CAMTA1: variants seen among roughly 807,000 people sequenced by gnomAD.
The protein encoded by CAMTA1 is calmodulin-binding transcription activator 1.
A neutral mutation model predicts 170.9 loss-of-function variants in CAMTA1; 27 were observed. The observed-to-expected ratio is 0.16, with a 90% CI of 0.12 to 0.22. The LOEUF (loss-of-function observed/expected upper bound fraction) is 0.22, where lower values mean the gene tolerates loss of function less well. Among genes scored for constraint, CAMTA1 ranks in the 10% least tolerant of loss-of-function variants. The pLI is 1.00. For synonymous variants in CAMTA1, 833 were observed against 891.5 expected (o/e 0.93, Z 1.17); for missense variants, 1,619 against 2,217.2 (o/e 0.73, Z 5.42).
intron 4 of CAMTA1, among the ~76,000 whole-genome samples, chr1:7,105,602 T>C (rs1295682316): frequency 6.6e-6 from 1 of 152,188 alleles, no homozygotes; most frequent in African/African-American, 2.4e-5. Flanking sequence ...AGTTCATACA[T>C]CCCAGGGAAG....
intron 4 of CAMTA1, among the ~76,000 whole-genome samples, chr1:7,222,124 C>A (rs141246732): frequency 6.6e-6 from 1 of 152,174 alleles, no homozygotes; most frequent in Non-Finnish European, 1.5e-5. Flanking sequence ...TCACTGAGAT[C>A]TGGGAAATGG....
chr1:7,129,164 A>G (rs1645105479), intron 4 of CAMTA1, among the ~76,000 whole-genome samples: 1 of 152,058 alleles, frequency 6.6e-6, no homozygotes, highest in Non-Finnish European at 1.5e-5. Flanking sequence ...GAAGAAGACT[A>G]TAAGGTCACT....
At chr1:7,414,617 T>C (rs1329976653) in intron 5 of CAMTA1, among the ~76,000 whole-genome samples, 2 of 152,226 alleles carry the variant, frequency 1.3e-5, no homozygotes, top group Non-Finnish European at 2.9e-5. Context: ...CCCTTTATCA[T>C]TTTTTATTGT....
chr1:7,156,306 G>A (rs996199467), intron 4 of CAMTA1, among the ~76,000 whole-genome samples: 1 of 151,788 alleles, frequency 6.6e-6, no homozygotes, highest in African/African-American at 2.4e-5. Flanking sequence ...AATAGGAGAG[G>A]GTCTCTATCT....
intron 5 of CAMTA1, among the ~76,000 whole-genome samples, chr1:7,438,680 G>A (rs2092424973): frequency 1.3e-5 from 2 of 152,180 alleles, no homozygotes. Flanking sequence ...GAGGGGCAAG[G>A]GCAGGTGGAA....
At chr1:7,190,533 CTG>C (rs1203822989) in intron 4 of CAMTA1, among the ~76,000 whole-genome samples, 12 of 152,112 alleles carry the variant, frequency 7.9e-5, no homozygotes, top group African/African-American at 2.4e-4. Context: ...AGTTAGTTGA[CTG>C]TGATTACTTC....
At chr1:7,238,419 A>G (rs1208469047) in intron 4 of CAMTA1, among the ~76,000 whole-genome samples, 1 of 152,232 alleles carries the variant, frequency 6.6e-6, no homozygotes, top group Non-Finnish European at 1.5e-5. Context: ...GTGCTTCCTC[A>G]TAGGTAGTTC....
chr1:6,859,443 T>C (rs1305392553), intron 3 of CAMTA1, among the ~76,000 whole-genome samples: 2 of 152,198 alleles, frequency 1.3e-5, no homozygotes, highest in African/African-American at 2.4e-5. Context: ...TCCAGTTATG[T>C]TCTAGGACAG....
intron 5 of CAMTA1, among the ~76,000 whole-genome samples, chr1:7,330,098 A>T (rs1574720521): frequency 1.3e-5 from 2 of 152,098 alleles, no homozygotes; most frequent in East Asian, 3.9e-4. Flanking sequence ...GGTGGTCGTG[A>T]TGCTTAACCT....
intron 1 of CAMTA1, among the ~76,000 whole-genome samples, chr1:6,793,040 C>T (rs1641571615): frequency 1.3e-5 from 2 of 151,904 alleles, no homozygotes; most frequent in South Asian, 2.1e-4. Context: ...TATATATACC[C>T]CACTCTTATA....
At chr1:7,542,222 A>T (rs969901822) in intron 6 of CAMTA1, among the ~76,000 whole-genome samples, 12 of 152,058 alleles carry the variant, frequency 7.9e-5, no homozygotes, top group Admixed American at 7.9e-4. Context: ...TCACCCAAAA[A>T]TAACCTCTGT....
chr1:6,993,989 A>AT (rs1696792300), intron 3 of CAMTA1, among the ~76,000 whole-genome samples: 2 of 152,004 alleles, frequency 1.3e-5, no homozygotes, highest in South Asian at 2.1e-4. Context: ...CATGTTTTGA[A>AT]TTTTTTGGTG....
At chr1:7,418,506 A>G (rs904195692) in intron 5 of CAMTA1, among the ~76,000 whole-genome samples, 1 of 152,046 alleles carries the variant, frequency 6.6e-6, no homozygotes, top group Non-Finnish European at 1.5e-5. Context: ...GCTTCTCAAC[A>G]CTTCCTGATG....
intron 5 of CAMTA1, among the ~76,000 whole-genome samples, chr1:7,450,999 C>T (rs2092810907): frequency 6.6e-6 from 1 of 152,180 alleles, no homozygotes; most frequent in Admixed American, 6.5e-5. Context: ...TCGGGAGAAG[C>T]AGGTGTAATT....
chr1:7,106,726 G>A (rs1643625445), intron 4 of CAMTA1, among the ~76,000 whole-genome samples: 1 of 152,104 alleles, frequency 6.6e-6, no homozygotes, highest in Admixed American at 6.5e-5. Context: ...CTCTGAGGAA[G>A]TTGATCCTAC....
At chr1:6,984,862 G>A (rs1276279755) in intron 3 of CAMTA1, among the ~76,000 whole-genome samples, 2 of 152,220 alleles carry the variant, frequency 1.3e-5, no homozygotes, top group African/African-American at 4.8e-5. Flanking sequence ...CAAATCCAAT[G>A]CCAAATTCCT....
intron 3 of CAMTA1, among the ~76,000 whole-genome samples, chr1:6,984,636 A>G (rs574510373): frequency 1.9e-4 from 29 of 151,728 alleles, no homozygotes; most frequent in Non-Finnish European, 3.8e-4. Flanking sequence ...CTCACAAAAA[A>G]CAACAAAGAA....
At chr1:7,209,535 T>C (rs1658384471) in intron 4 of CAMTA1, among the ~76,000 whole-genome samples, 1 of 152,138 alleles carries the variant, frequency 6.6e-6, no homozygotes, top group Non-Finnish European at 1.5e-5. Flanking sequence ...TTCTTGGCAC[T>C]CTCTTTGAGA....
intron 3 of CAMTA1, among the ~76,000 whole-genome samples, chr1:7,073,992 T>C (rs1055375059): frequency 1.3e-5 from 2 of 152,234 alleles, no homozygotes; most frequent in African/African-American, 4.8e-5. Context: ...GGAAACTCAG[T>C]GCTCAACACA....
Sources: gnomAD v4.1 joint callset for allele counts (sites outside exome capture counted in the v4.1 genomes callset) on GRCh38, gnomAD v4.1.1 for gene constraint, MANE v1.5 for transcripts, NCBI Gene and HGNC (gene_info 2026-07-23, HGNC 2026-07-21) for gene names.